The following RSPO3 variants were observed in gnomAD, a reference collection of about 807,000 sequenced individuals.
RSPO3 encodes the protein R-spondin-3.
Under a neutral mutation model 36.5 loss-of-function variants are expected in RSPO3, and 17 were observed. The observed-to-expected ratio is 0.47, with a 90% CI of 0.32 to 0.70. The LOEUF is 0.70. Among genes scored for constraint, RSPO3 ranks in the 30% least tolerant of loss-of-function variants. The pLI is 0.04. For missense variants in RSPO3, 294 were observed against 322.5 expected (o/e 0.91, Z 0.68); for synonymous variants, 108 against 107.0 (o/e 1.01, Z -0.06).
chr6:127,165,312 T>C (rs1249660911), intron 4 of RSPO3, among the ~76,000 whole-genome samples: 2 of 152,078 alleles, frequency 1.3e-5, no homozygotes, highest in African/African-American at 4.8e-5. Flanking sequence ...TTATTTCTTA[T>C]GGAATATGTA....
chr6:127,138,886 C>G lies in RSPO3; in HGVS notation c.98-9762C>G, dbSNP rs181670378. Among the ~76,000 whole-genome samples the G allele has an allele frequency of 2.3e-3, 350 of 152,238 alleles. 1 individual carries two copies. Among genetic ancestry groups the G allele is most frequent in the African/African-American group, 8.3e-3 (343 of 41,544 alleles). ...GTAACTCAGCTAGAAAACATGACAACTAGGGTTCAAAACCAGACTCTAAAT... is the reference window on the plus strand; with the variant it reads ...GTAACTCAGCTAGAAAACATGACAAGTAGGGTTCAAAACCAGACTCTAAAT... On this transcript the variant is annotated intron_variant, in intron 1 of 4. Coordinates refer to ENST00000356698, the MANE Select transcript of RSPO3 (RefSeq NM_032784.5).
At chr6:127,148,900 T>C (rs1774437265) in intron 2 of RSPO3, 61 bp downstream of exon 2, 1 of 1,239,792 alleles carries the variant, frequency 8.1e-7, no homozygotes, top group Admixed American at 1.9e-5. Flanking sequence ...CAGATTGAAA[T>C]GGCCTCTAAT....
Position 127,179,944 on chromosome 6 carries a change from C to A in RSPO3, c.635-15879C>A, listed in dbSNP as rs577433362. Among the ~76,000 whole-genome samples the A allele has an allele frequency of 1.5e-4, 23 of 151,968 alleles. No homozygotes were observed. The South Asian group carries it at 4.1e-3, about 27-fold the overall frequency. ...GACTCATGTAATTAAATGGACCAAT[C>A]TGGATAATTCCAGATAATCTCTGCA... On this transcript the variant is annotated intron_variant, in intron 4 of 4. Coordinates refer to ENST00000356698, the MANE Select transcript of RSPO3 (RefSeq NM_032784.5).
At chr6:127,150,698 CCTT>C in intron 3 of RSPO3, 126 bp downstream of exon 3, 5 of 804,816 alleles carry the variant, frequency 6.2e-6, no homozygotes, top group Non-Finnish European at 7.6e-6. Context: ...CTGTCTCCAT[CCTT>C]CTTTACAAAG....
chr6:127,163,344 ATT>A (rs1447392932), intron 4 of RSPO3, among the ~76,000 whole-genome samples: 1 of 152,108 alleles, frequency 6.6e-6, no homozygotes, highest in Non-Finnish European at 1.5e-5. Flanking sequence ...ACAAAGAATT[ATT>A]CTTTCCATAG....
chr6:127,178,356 C>T (rs916811854), intron 4 of RSPO3, among the ~76,000 whole-genome samples: 3 of 151,544 alleles, frequency 2.0e-5, no homozygotes, highest in Non-Finnish European at 4.4e-5. Flanking sequence ...AAATAGAAGT[C>T]AGGTTAAAAA....
At chr6:127,159,362 GGA>G in intron 4 of RSPO3, among the ~76,000 whole-genome samples, 1 of 152,094 alleles carries the variant, frequency 6.6e-6, no homozygotes, top group East Asian at 1.9e-4. Flanking sequence ...GGGATAGAAA[GGA>G]GAGAGAAGAG....
In RSPO3 at chr6:127,196,095, T is replaced by C. The variant is rs1775510397; in HGVS notation, c.*88T>C. ...GTGCTCTAGCCATTAGGACCACAAA[T>C]GGACATGTCAGTTATTGCTCTGTCT... On this transcript the variant is annotated 3_prime_UTR_variant, in exon 5 of 5. Coordinates refer to ENST00000356698, the MANE Select transcript of RSPO3 (RefSeq NM_032784.5). The C allele has an allele frequency of 3.7e-6, 4 of 1,091,596 alleles. No individual in the cohort carries two copies. The highest frequency in any genetic ancestry group is 2.1e-4 in the Middle Eastern group (1 of 4,734). The allele number at this position is 1,091,596 out of a possible 1,614,324, so 67.6% of individuals were successfully genotyped here.
chr6:127,154,385 G>A (rs1246171801), intron 3 of RSPO3, among the ~76,000 whole-genome samples: 2 of 151,904 alleles, frequency 1.3e-5, no homozygotes, highest in African/African-American at 2.4e-5. Context: ...TGAGAAAGCC[G>A]TTATTGAAAA....
At position 127,196,044 on chromosome 6, in the gene RSPO3, C is replaced by G; in HGVS notation, c.*37C>G. On this transcript the variant is annotated 3_prime_UTR_variant, in exon 5 of 5. Transcript: ENST00000356698. ...AGATTATTGTAGACTCATGATGCTG[C>G]TATCTCAACCAGATGCCCAGGACAG... 1 of 1,512,332 alleles carries G rather than the reference C, an allele frequency of 6.6e-7. No individual in the cohort carries two copies. Among genetic ancestry groups the G allele is most frequent in the Non-Finnish European group, 8.9e-7 (1 of 1,122,390 alleles). 93.7% of individuals were successfully genotyped at this position (1,512,332 alleles called of 1,614,324 possible). A position where few individuals can be genotyped will look rare whatever the true frequency, so the allele number is the denominator to read the frequency against.
rs996805154 is a variant in RSPO3 at position 127,131,443 on chromosome 6, T to TACCC, written c.97+12156_97+12159dup. On this transcript the variant is annotated intron_variant, in intron 1 of 4. Transcript: ENST00000356698. ...CAAGAAACCTTCATGTAATAGTTTT[T>TACCC]ACCCAAACTATTTAATTCACAAGCT... Among the ~76,000 whole-genome samples, 23 of 152,088 alleles carry TACCC rather than the reference T, an allele frequency of 1.5e-4. 1 individual carries two copies. Among genetic ancestry groups the TACCC allele is most frequent in the Admixed American group, 1.4e-3 (22 of 15,240 alleles).
chr6:127,124,144 A>G (rs1467812465), intron 1 of RSPO3, among the ~76,000 whole-genome samples: 3 of 152,218 alleles, frequency 2.0e-5, no homozygotes, highest in Non-Finnish European at 2.9e-5. Context: ...CTCTGCAATT[A>G]TAAGAATGAG....
At chr6:127,135,565 G>A (rs1458065394) in intron 1 of RSPO3, among the ~76,000 whole-genome samples, 1 of 152,024 alleles carries the variant, frequency 6.6e-6, no homozygotes, top group Admixed American at 6.6e-5. Context: ...GGTGATTGGA[G>A]AAGAGGATAA....
chr6:127,197,007 C>A lies in RSPO3; in HGVS notation c.*1000C>A. ...GTATATCTAGTAGGGGAGAAAGCCA[C>A]CACAATAAATATATTTGTTAATAGT... On this transcript the variant is annotated 3_prime_UTR_variant, in exon 5 of 5. Transcript: ENST00000356698. 6.3e-6 allele frequency: 1 copy of A among 158,172 alleles called. No homozygotes were observed. Among genetic ancestry groups the A allele is most frequent in the East Asian group, 1.9e-4 (1 of 5,378 alleles). 9.8% of individuals were successfully genotyped at this position (158,172 alleles called of 1,614,324 possible).
chr6:127,119,976 G>C (rs1394902604), intron 1 of RSPO3: 2 of 152,784 alleles, frequency 1.3e-5, no homozygotes, highest in Middle Eastern at 3.4e-3. Flanking sequence ...GAGGTGCGGA[G>C]TTTCCAGGTT....
chr6:127,184,525 T>A (rs1320958044), intron 4 of RSPO3, among the ~76,000 whole-genome samples: 1 of 151,920 alleles, frequency 6.6e-6, no homozygotes, highest in Non-Finnish European at 1.5e-5. Context: ...GGAGGGAAAG[T>A]CTATGCATAG....
intron 4 of RSPO3, among the ~76,000 whole-genome samples, chr6:127,170,811 T>C (rs1582806402): frequency 6.6e-6 from 1 of 151,828 alleles, no homozygotes; most frequent in Admixed American, 6.6e-5. Flanking sequence ...TTTACTTATA[T>C]GAAGTACCTA....
intron 1 of RSPO3, among the ~76,000 whole-genome samples, chr6:127,128,180 T>C (rs575674125): frequency 6.6e-5 from 10 of 152,202 alleles, no homozygotes; most frequent in African/African-American, 2.4e-4. Flanking sequence ...TTACTGGCTA[T>C]TGTTATCCAG....
At chr6:127,151,784 A>G (rs1774495459) in intron 3 of RSPO3, among the ~76,000 whole-genome samples, 2 of 151,896 alleles carry the variant, frequency 1.3e-5, no homozygotes, top group African/African-American at 4.8e-5. Context: ...AAACACATGG[A>G]AAAAAAAGCA....
Sources: allele counts gnomAD v4.1 joint callset (sites outside exome capture counted in the v4.1 genomes callset), GRCh38; gene constraint gnomAD v4.1.1; transcripts MANE v1.5; gene names NCBI Gene and HGNC (gene_info 2026-07-23, HGNC 2026-07-21).